Variants in OTUD4 observed in about 807,000 individuals in gnomAD.
The protein encoded by OTUD4 is OTU deubiquitinase 4, also known as OTU domain-containing protein 4.
A neutral mutation model predicts 130.4 loss-of-function variants in OTUD4; 24 were observed. The ratio of observed to expected loss-of-function variants is 0.18; its 90% CI spans 0.13 to 0.26. The LOEUF (loss-of-function observed/expected upper bound fraction) is 0.26, where lower values mean the gene tolerates loss of function less well. Ranked by LOEUF, OTUD4 falls within the 10% of genes least tolerant of loss-of-function variation. The pLI is 1.00. For synonymous variants in OTUD4, 420 were observed against 472.5 expected, an observed-to-expected ratio of 0.89 and a Z score of 1.44; for missense variants, 1,031 against 1,329.4, an observed-to-expected ratio of 0.78 and a Z score of 3.49.
chr4:145,147,728 C>A (rs1173142660), intron 13 of OTUD4, among the ~76,000 whole-genome samples: 4 of 152,150 alleles, frequency 2.6e-5, no homozygotes, highest in Admixed American at 2.6e-4. Flanking sequence ...TGAAGAAAAA[C>A]TGGAAAAAGT....
rs866168376 is a variant in OTUD4 at position 145,140,781 on chromosome 4, T to C, written c.2083+598A>G. Among the ~76,000 whole-genome samples the C allele has an allele frequency of 3.9e-5, 6 of 152,210 alleles. 1 individual carries two copies. The highest frequency in any genetic ancestry group is 7.2e-5 in the African/African-American group (3 of 41,530). On this transcript the variant is annotated intron_variant, in intron 19 of 20. Coordinates refer to ENST00000447906, the MANE Select transcript of OTUD4 (RefSeq NM_001366057.1). ...TAATTAGTGAAATTATTATTGTAAT[T>C]CAGAATGGTTTCAAGTCCATTTATG...
intron 16 of OTUD4, 58 bp from the exon 17 acceptor site, chr4:145,143,503 T>C (rs1750683215): frequency 1.0e-6 from 1 of 981,966 alleles, no homozygotes; most frequent in Non-Finnish European, 1.6e-6. Context: ...TTCTGGAATA[T>C]TGATGGTTTC....
chr4:145,154,199 T>C (rs1246086196), intron 10 of OTUD4, among the ~76,000 whole-genome samples: 1 of 152,210 alleles, frequency 6.6e-6, no homozygotes, highest in Non-Finnish European at 1.5e-5. Context: ...ATCTCATTTG[T>C]TCTCTTTCAA....
At chr4:145,173,037 T>C (rs1752253123) in intron 2 of OTUD4, among the ~76,000 whole-genome samples, 1 of 152,180 alleles carries the variant, frequency 6.6e-6, no homozygotes, top group African/African-American at 2.4e-5. Flanking sequence ...TGAAGGTTCA[T>C]AAAAGGAAAG....
rs141253434 is a variant in OTUD4 at position 145,138,613 on chromosome 4, A to G, written c.2162T>C (p.Leu721Pro). Residue 721 changes from leucine to proline, a missense_variant, in exon 21 of 21, where the codon CTG (leucine) becomes CCG (proline). Physicochemically the swap from Leu to Pro is moderately conservative, Grantham distance 98. Around this residue, in one of 3 missense-constraint regions of OTUD4, gnomAD observed 900 missense variants for 1,095.9 expected, o/e 0.82. Coordinates refer to ENST00000447906, the MANE Select transcript of OTUD4 (RefSeq NM_001366057.1). ...CAGGTAGGCCTGGTGCAGAGGGTAC[A>G]GGTAAGAATGTGGGGCCCACATAGG... ...SCPMWAPHSY[L>P]YPLHQAYLAA... 6.2e-7 allele frequency: 1 copy of G among 1,613,514 alleles called. No individual in the cohort carries two copies. Among genetic ancestry groups the G allele is most frequent in the African/African-American group, 1.3e-5 (1 of 74,918 alleles).
chr4:145,158,252 G>A (rs1015891641), intron 7 of OTUD4, among the ~76,000 whole-genome samples: 1 of 152,308 alleles, frequency 6.6e-6, no homozygotes, highest in South Asian at 2.1e-4. Context: ...GGGAGGCCAA[G>A]GCGGGTGATC....
intron 5 of OTUD4, 90 bp downstream of exon 5, chr4:145,164,064 A>C (rs1198326121): frequency 4.6e-6 from 3 of 646,068 alleles, no homozygotes; most frequent in Non-Finnish European, 8.2e-6. Flanking sequence ...TATTTCAAAA[A>C]ATCATTTAAA....
At chr4:145,176,356 CT>C (rs1006781223) in intron 1 of OTUD4, among the ~76,000 whole-genome samples, 3 of 151,540 alleles carry the variant, frequency 2.0e-5, no homozygotes, top group African/African-American at 7.3e-5. Flanking sequence ...ATCAAGGCCT[CT>C]TGAGAATTTA....
chr4:145,179,859 C>A lies in OTUD4; in HGVS notation c.115G>T (p.Val39Phe). ...LRKLGLYRKL[V>F]AKDGSCLFRA... ...AACAGGCACGACCCGTCCTTGGCGA[C>A]CAGTTTCCGATACAAGCCCAGTTTC... is the stretch of plus-strand genomic sequence containing the variant. Residue 39 changes from valine to phenylalanine, a missense_variant, in exon 1 of 21, where the codon GTC (valine) becomes TTC (phenylalanine). By Grantham distance (50) the Val-to-Phe change is conservative. Coordinates refer to ENST00000447906, the MANE Select transcript of OTUD4 (RefSeq NM_001366057.1). 1 of 1,527,388 alleles carries A rather than the reference C, an allele frequency of 6.5e-7. No homozygotes were observed. Among genetic ancestry groups the A allele is most frequent in the Non-Finnish European group, 8.7e-7 (1 of 1,143,782 alleles). The allele number at this position is 1,527,388 out of a possible 1,614,324, so 94.6% of individuals were successfully genotyped here.
chr4:145,169,050 C>T (rs961324324), intron 3 of OTUD4, among the ~76,000 whole-genome samples: 2 of 152,214 alleles, frequency 1.3e-5, no homozygotes, highest in African/African-American at 2.4e-5. Context: ...CATAAGACTA[C>T]AAACTCTATC....
At chr4:145,168,361 C>G (rs1013599302) in intron 3 of OTUD4, among the ~76,000 whole-genome samples, 4 of 118,710 alleles carry the variant, frequency 3.4e-5, no homozygotes, top group Non-Finnish European at 6.8e-5. Flanking sequence ...GCCTGGGCAA[C>G]AGAGCAAAAC....
At chr4:145,156,124 A>G in intron 7 of OTUD4, 128 bp from the exon 8 acceptor site, 2 of 649,278 alleles carry the variant, frequency 3.1e-6, no homozygotes, top group Non-Finnish European at 5.3e-6. Flanking sequence ...GTGAGCTCAT[A>G]CAAGTTTTGG....
rs189288639 is a variant in OTUD4, at chr4:145,172,802, G to C, written c.244-1082C>G. 2.5e-3 allele frequency among the ~76,000 whole-genome samples: 386 copies of C among 152,024 alleles called. 4 individuals carry two copies. The highest frequency in any genetic ancestry group is 7.8e-4 in the Non-Finnish European group (53 of 67,970). ...ATATATTAAAGAGCCCACCAATAAA[G>C]GGCTACTGTTCTGTATTAGATGATT... On this transcript the variant is annotated intron_variant, in intron 2 of 20. Transcript: ENST00000447906.
At chr4:145,177,154 G>A (rs919622409) in intron 1 of OTUD4, among the ~76,000 whole-genome samples, 1 of 152,170 alleles carries the variant, frequency 6.6e-6, no homozygotes, top group Non-Finnish European at 1.5e-5. Context: ...GGTATTACTC[G>A]TATGAATAAA....
Position 145,174,682 on chromosome 4 carries a change from C to G in OTUD4, c.222G>C (p.Glu74Asp). Residue 74 changes from glutamate (E) to aspartate (D), a missense_variant, in exon 2 of 21, where the codon GAG becomes GAC. Around this residue, in one of 3 missense-constraint regions of OTUD4, gnomAD observed 77 missense variants for 172.9 expected, o/e 0.45. Transcript: ENST00000447906. ...VRMACIHYLR[E>D]NREKFEAFIE... ...TTACCGCTTCAAATTTCTCTCTGTTCTCTCGAAGATAGTGAATACAGGCCA... is the reference window on the plus strand; with the variant it reads ...TTACCGCTTCAAATTTCTCTCTGTTGTCTCGAAGATAGTGAATACAGGCCA... 1 of 1,601,396 alleles carries G rather than the reference C, an allele frequency of 6.2e-7. No individual in the cohort carries two copies. Among genetic ancestry groups the G allele is most frequent in the Non-Finnish European group, 8.6e-7 (1 of 1,168,454 alleles).
intron 2 of OTUD4, among the ~76,000 whole-genome samples, chr4:145,172,716 A>C (rs1027007687): frequency 6.6e-6 from 1 of 152,226 alleles, no homozygotes; most frequent in African/African-American, 2.4e-5. Flanking sequence ...CATAGATTAT[A>C]TAATGTCAAA....
intron 11 of OTUD4, among the ~76,000 whole-genome samples, chr4:145,152,262 G>A (rs182042941): frequency 7.2e-5 from 11 of 151,942 alleles, no homozygotes; most frequent in African/African-American, 2.2e-4. Context: ...ACAGGCATGC[G>A]CTGCCATGTC....
chr4:145,139,320 C>T (rs965898656), intron 20 of OTUD4, among the ~76,000 whole-genome samples: 1 of 152,242 alleles, frequency 6.6e-6, no homozygotes, highest in South Asian at 2.1e-4. Context: ...AAAGGTAGGG[C>T]ACTTCGTTTC....
chr4:145,144,501 GTAAT>G lies in OTUD4; in HGVS notation c.1423-71_1423-68del. ...ACCCACAGATACATGAACAAATTCTGTAATTAATCTCACTCTTCATACTTCTAAA... is the reference window on the plus strand; with the variant it reads ...ACCCACAGATACATGAACAAATTCTGTAATCTCACTCTTCATACTTCTAAA... On this transcript the variant is annotated intron_variant, in intron 14 of 20. Transcript: ENST00000447906. The G allele has an allele frequency of 2.1e-6, 3 of 1,443,518 alleles. No homozygotes were observed. The Admixed American group carries it at 6.0e-5, about 29-fold the overall frequency. The allele number at this position is 1,443,518 out of a possible 1,614,324, so 89.4% of individuals were successfully genotyped here.
Sources: gnomAD v4.1 joint callset for allele counts (sites outside exome capture counted in the v4.1 genomes callset) on GRCh38, gnomAD v4.1.1 for gene constraint, gnomAD v4.1.1 regional missense constraint, MANE v1.5 for transcripts, NCBI Gene and HGNC (gene_info 2026-07-23, HGNC 2026-07-21) for gene names.